Variants in MYCBP2 observed in about 807,000 individuals in gnomAD.
MYCBP2 encodes MYC binding protein 2, also known as E3 ubiquitin-protein ligase MYCBP2.
MYCBP2 carries 120 observed loss-of-function variants against 525.3 expected under a neutral mutation model. That is an observed-to-expected ratio of 0.23 (90% confidence interval 0.20 to 0.27). The LOEUF is 0.27. MYCBP2 is among the 10% of genes least tolerant of loss of function. The pLI, the probability that MYCBP2 is intolerant of heterozygous loss-of-function variation, is 1.00. For synonymous variants in MYCBP2, 1,894 were observed against 1,955.8 expected (o/e 0.97, Z 0.83); for missense variants, 4,149 against 5,657.1 (o/e 0.73, Z 8.55).
intron 17 of MYCBP2, among the ~76,000 whole-genome samples, chr13:77,240,099 G>GT (rs1445280520): frequency 1.3e-5 from 2 of 151,912 alleles, no homozygotes; most frequent in African/African-American, 2.4e-5. Context: ...ATCTAATTTT[G>GT]TTTTCTTATA....
intron 55 of MYCBP2, among the ~76,000 whole-genome samples, chr13:77,113,447 C>T (rs568808333): frequency 4.2e-4 from 64 of 151,588 alleles, no homozygotes; most frequent in Non-Finnish European, 7.7e-4. Flanking sequence ...ATCACCATAA[C>T]CTAGCACAGA....
chr13:77,176,703 T>C, intron 35 of MYCBP2, 75 bp from the exon 36 acceptor site: 1 of 1,122,258 alleles, frequency 8.9e-7, no homozygotes, highest in Non-Finnish European at 1.2e-6. Flanking sequence ...TGATTTATAA[T>C]TATTATTTTT....
intron 61 of MYCBP2, among the ~76,000 whole-genome samples, chr13:77,088,342 T>G (rs868521753): frequency 5.9e-5 from 9 of 152,132 alleles, no homozygotes; most frequent in African/African-American, 2.2e-4. Context: ...TATATTCATA[T>G]AATTCCCATC....
At chr13:77,202,006 A>G (rs1593820409) in intron 26 of MYCBP2, among the ~76,000 whole-genome samples, 1 of 152,216 alleles carries the variant, frequency 6.6e-6, no homozygotes, top group African/African-American at 2.4e-5. Context: ...GAGCAAACAC[A>G]TTCAAAAGCT....
chr13:77,247,802 G>T (rs540253794), intron 15 of MYCBP2, among the ~76,000 whole-genome samples: 1 of 152,232 alleles, frequency 6.6e-6, no homozygotes, highest in South Asian at 2.1e-4. Context: ...AGCCAAGATG[G>T]TTCAATAGAG....
chr13:77,168,588 T>C lies in MYCBP2; in HGVS notation c.5954A>G (p.Asn1985Ser), dbSNP rs1431514134. 1 of 1,614,074 alleles carries C rather than the reference T, an allele frequency of 6.2e-7. No homozygotes were observed. The highest frequency in any genetic ancestry group is 8.5e-7 in the Non-Finnish European group (1 of 1,180,038). Reference protein sequence around the residue: ...QQLLPSVAILNQKYAPPAFNP... With the variant: ...QQLLPSVAILSQKYAPPAFNP... ...GAAGGCAGGCGGTGCATACTTCTGA[T>C]TCAAAATGGCAACTGACGGAAGCAA... Residue 1985 changes from asparagine to serine, a missense_variant, in exon 40 of 83, where the codon AAT (asparagine) becomes AGT (serine). This residue lies in a region of MYCBP2 where 692 missense variants were observed against 852.7 expected (regional missense o/e 0.81). Transcript: ENST00000544440.
At chr13:77,053,658 C>T (rs951908518) in intron 80 of MYCBP2, among the ~76,000 whole-genome samples, 2 of 152,198 alleles carry the variant, frequency 1.3e-5, no homozygotes, top group African/African-American at 4.8e-5. Context: ...GTACATGAAA[C>T]ACACAGAAAT....
chr13:77,106,223 CA>C (rs932834932), intron 55 of MYCBP2, among the ~76,000 whole-genome samples: 75 of 152,104 alleles, frequency 4.9e-4, no homozygotes, highest in African/African-American at 1.7e-3. Flanking sequence ...GTTGAGTCAA[CA>C]ACTAAGCAAT....
At chr13:77,160,460 G>A (rs2057774749) in intron 44 of MYCBP2, among the ~76,000 whole-genome samples, 1 of 152,136 alleles carries the variant, frequency 6.6e-6, no homozygotes, top group Non-Finnish European at 1.5e-5. Context: ...TTACCGCTTT[G>A]ATTAATTCAC....
At chr13:77,073,270 CAT>C (rs749993028) in intron 68 of MYCBP2, among the ~76,000 whole-genome samples, 10 of 151,674 alleles carry the variant, frequency 6.6e-5, no homozygotes, top group Non-Finnish European at 1.3e-4. Context: ...GAAAGAGAAA[CAT>C]ATAAAGGTAC....
intron 1 of MYCBP2, among the ~76,000 whole-genome samples, chr13:77,308,879 A>G (rs1304122395): frequency 6.6e-6 from 1 of 152,214 alleles, no homozygotes; most frequent in Non-Finnish European, 1.5e-5. Flanking sequence ...GTATTTATCT[A>G]CCAACTCCCC....
chr13:77,053,494 C>T (rs73239434), intron 80 of MYCBP2, among the ~76,000 whole-genome samples: 3,377 of 152,224 alleles, frequency 0.022, 57 homozygotes, highest in Middle Eastern at 0.075. Flanking sequence ...AGGTTATAAA[C>T]GGTCGTTCAC....
intron 66 of MYCBP2, chr13:77,077,603 T>C (rs2153506): frequency 0.98 from 522,517 of 531,476 alleles, 256,986 homozygotes; most frequent in East Asian, 1. Flanking sequence ...CTAAGGTTAA[T>C]ACAGGTTAAG....
At chr13:77,063,084 G>A (rs767431899) in intron 73 of MYCBP2, among the ~76,000 whole-genome samples, 19 of 152,128 alleles carry the variant, frequency 1.2e-4, no homozygotes, top group Non-Finnish European at 2.1e-4. Flanking sequence ...CAAAGAAGGT[G>A]GTACAGCAAC....
chr13:77,230,144 G>A (rs550554216), intron 18 of MYCBP2, among the ~76,000 whole-genome samples: 1 of 152,212 alleles, frequency 6.6e-6, no homozygotes, highest in African/African-American at 2.4e-5. Flanking sequence ...GATGAATTCT[G>A]ACCTTCTCTG....
intron 70 of MYCBP2, 29 bp downstream of exon 70, chr13:77,068,536 A>T: frequency 6.3e-7 from 1 of 1,595,534 alleles, no homozygotes; most frequent in South Asian, 1.1e-5. Flanking sequence ...TAACAAAAGC[A>T]ATGGAAAGGC....
rs190215531 is a variant in MYCBP2, at chr13:77,110,247, T to C, written c.8140+11126A>G. The C allele has an allele frequency of 2.4e-3, 365 of 155,264 alleles. 5 individuals carry two copies. The highest frequency in any genetic ancestry group is 8.5e-3 in the African/African-American group (352 of 41,604). The allele number at this position is 155,264 out of a possible 1,614,324, so 9.6% of individuals were successfully genotyped here. A position where few individuals can be genotyped will look rare whatever the true frequency, so the allele number is the denominator to read the frequency against. ...AAATATTAAGACCCTAAGAAAAGAA[T>C]TGCATTCCTGGGGGGAGGTCTATAA... On this transcript the variant is annotated intron_variant, in intron 55 of 82. Transcript: ENST00000544440.
chr13:77,191,226 C>T (rs1287069989), intron 28 of MYCBP2, among the ~76,000 whole-genome samples: 1 of 152,114 alleles, frequency 6.6e-6, no homozygotes, highest in Non-Finnish European at 1.5e-5. Context: ...GTACTCTATA[C>T]GTGAAAGTTA....
intron 69 of MYCBP2, 147 bp downstream of exon 69, chr13:77,070,484 T>G (rs897488112): frequency 3.9e-5 from 20 of 516,794 alleles, no homozygotes; most frequent in Non-Finnish European, 6.5e-5. Context: ...CCTAAGACAA[T>G]TCTTTTTCTT....
Sources: gnomAD v4.1 joint callset for allele counts (sites outside exome capture counted in the v4.1 genomes callset) on GRCh38, gnomAD v4.1.1 for gene constraint, gnomAD v4.1.1 regional missense constraint, MANE v1.5 for transcripts, NCBI Gene and HGNC (gene_info 2026-07-23, HGNC 2026-07-21) for gene names.